Variants in HMBOX1 observed in about 807,000 individuals in gnomAD.
The protein encoded by HMBOX1 is homeobox containing 1.
In HMBOX1, 14 loss-of-function variants were observed where a neutral mutation model predicts 54.5. The observed-to-expected ratio is 0.26, with a 90% confidence interval of 0.17 to 0.40. HMBOX1 has a LOEUF of 0.40. Among genes scored for constraint, HMBOX1 ranks in the 10% least tolerant of loss-of-function variants. The probability of loss-of-function intolerance (pLI) is 1.00; values close to 1 mark genes in which losing one functional copy is unlikely to be tolerated. For missense variants in HMBOX1, 332 were observed against 514.4 expected (o/e 0.65, Z 3.43); for synonymous variants, 160 against 181.0 (o/e 0.88, Z 0.93).
intron 1 of HMBOX1, among the ~76,000 whole-genome samples, chr8:28,900,254 CAAAAAAA>C (rs1215445461): frequency 8.4e-5 from 8 of 94,882 alleles, no homozygotes; most frequent in African/African-American, 3.3e-4. Context: ...GATTCCGTCT[CAAAAAAA>C]AAAAAAAAAA....
intron 4 of HMBOX1, among the ~76,000 whole-genome samples, chr8:28,986,037 A>T (rs139914441): frequency 6.6e-6 from 1 of 152,324 alleles, no homozygotes; most frequent in Non-Finnish European, 1.5e-5. Context: ...AGTATCACAC[A>T]GAGTTGTTGC....
intron 5 of HMBOX1, among the ~76,000 whole-genome samples, chr8:29,013,117 T>G (rs1307058148): frequency 6.6e-6 from 1 of 152,204 alleles, no homozygotes; most frequent in South Asian, 2.1e-4. Context: ...GCATTTCTCT[T>G]TGTATACTTT....
chr8:28,966,194 C>T (rs1034148367), intron 2 of HMBOX1, among the ~76,000 whole-genome samples: 1 of 152,074 alleles, frequency 6.6e-6, no homozygotes, highest in African/African-American at 2.4e-5. Context: ...ATGCCTTATC[C>T]AAGAAGGGTT....
At chr8:29,041,524 G>A (rs572238336) in intron 6 of HMBOX1, among the ~76,000 whole-genome samples, 1 of 152,226 alleles carries the variant, frequency 6.6e-6, no homozygotes, top group East Asian at 1.9e-4. Flanking sequence ...TGTAGTAGAA[G>A]ACAGATGTAT....
At chr8:28,959,961 C>A (rs1825173209) in intron 1 of HMBOX1, among the ~76,000 whole-genome samples, 2 of 151,698 alleles carry the variant, frequency 1.3e-5, no homozygotes, top group South Asian at 4.1e-4. Context: ...GTTTTTTTCC[C>A]CCAATACTAT....
chr8:28,999,718 A>G lies in HMBOX1; in HGVS notation c.587-9354A>G, dbSNP rs1002807847. Among the ~76,000 whole-genome samples the G allele has an allele frequency of 4.0e-5, 6 of 151,778 alleles. No homozygotes were observed. The East Asian group carries it at 7.7e-4, about 20-fold the overall frequency. Reference sequence around the variant, plus strand: ...TTATTTTTTATACTTTTCAATTCCAAAATTTCTATTTGGTTCTTATAATTT... The same window carrying G: ...TTATTTTTTATACTTTTCAATTCCAGAATTTCTATTTGGTTCTTATAATTT... On this transcript the variant is annotated intron_variant, in intron 4 of 9. Coordinates refer to ENST00000287701, the MANE Select transcript of HMBOX1 (RefSeq NM_001135726.3).
intron 1 of HMBOX1, among the ~76,000 whole-genome samples, chr8:28,929,871 T>C (rs953973115): frequency 4.6e-5 from 7 of 152,164 alleles, no homozygotes; most frequent in Admixed American, 3.3e-4. Context: ...GCATTTAGTG[T>C]GTTCACAATG....
intron 6 of HMBOX1, among the ~76,000 whole-genome samples, chr8:29,020,170 G>A (rs566777407): frequency 6.6e-6 from 1 of 152,162 alleles, no homozygotes; most frequent in East Asian, 1.9e-4. Context: ...AATTTCTTTA[G>A]AACTTGGCAC....
chr8:29,043,320 C>T (rs1312576779), intron 6 of HMBOX1, among the ~76,000 whole-genome samples: 3 of 152,262 alleles, frequency 2.0e-5, no homozygotes, highest in Non-Finnish European at 4.4e-5. Flanking sequence ...TGCCTTGCAA[C>T]CTCCTGTGCA....
intron 1 of HMBOX1, among the ~76,000 whole-genome samples, chr8:28,935,816 T>C (rs1023271475): frequency 1.3e-5 from 2 of 152,112 alleles, no homozygotes; most frequent in African/African-American, 4.8e-5. Context: ...CAGTATAGTA[T>C]AGAAAAGAGT....
intron 4 of HMBOX1, among the ~76,000 whole-genome samples, chr8:28,983,504 C>CT (rs1251654558): frequency 1.3e-5 from 2 of 152,172 alleles, no homozygotes; most frequent in Non-Finnish European, 2.9e-5. Flanking sequence ...GCAGACCTCT[C>CT]TTTTTTTCTG....
At chr8:28,982,779 C>G (rs778031244) in intron 4 of HMBOX1, among the ~76,000 whole-genome samples, 38 of 152,164 alleles carry the variant, frequency 2.5e-4, no homozygotes, top group Non-Finnish European at 4.3e-4. Flanking sequence ...GCACTTGCCA[C>G]CACGCCCAGC....
intron 1 of HMBOX1, among the ~76,000 whole-genome samples, chr8:28,895,807 T>C (rs1051276558): frequency 6.6e-6 from 1 of 152,188 alleles, no homozygotes; most frequent in Non-Finnish European, 1.5e-5. Context: ...GTTGGTTTCG[T>C]ATTTTGTATA....
chr8:28,959,682 A>G (rs1179352256), intron 1 of HMBOX1, among the ~76,000 whole-genome samples: 1 of 152,212 alleles, frequency 6.6e-6, no homozygotes, highest in African/African-American at 2.4e-5. Context: ...TTCTGGCTGC[A>G]TAAAATGGAT....
intron 2 of HMBOX1, among the ~76,000 whole-genome samples, chr8:28,964,842 C>T (rs776283076): frequency 1.2e-4 from 18 of 151,936 alleles, no homozygotes; most frequent in Non-Finnish European, 2.4e-4. Context: ...GGCACTTCAC[C>T]TCTTTGGGCC....
At chr8:28,905,841 A>G (rs1045146903) in intron 1 of HMBOX1, among the ~76,000 whole-genome samples, 22 of 152,212 alleles carry the variant, frequency 1.4e-4, no homozygotes, top group Non-Finnish European at 2.9e-4. Flanking sequence ...CTTTGCCAAA[A>G]CATTTCTTAA....
intron 1 of HMBOX1, among the ~76,000 whole-genome samples, chr8:28,941,799 T>G (rs916699527): frequency 3.9e-5 from 6 of 152,234 alleles, no homozygotes; most frequent in Non-Finnish European, 7.3e-5. Context: ...TACATACTAC[T>G]GTTATATTTT....
intron 1 of HMBOX1, among the ~76,000 whole-genome samples, chr8:28,912,618 T>C (rs965930695): frequency 1.3e-5 from 2 of 152,228 alleles, no homozygotes; most frequent in African/African-American, 2.4e-5. Context: ...ATTCCTTCTT[T>C]ATGAAACACT....
intron 1 of HMBOX1, chr8:28,891,630 A>C (rs1810986616): frequency 6.6e-6 from 1 of 152,130 alleles, no homozygotes; most frequent in South Asian, 2.1e-4. Context: ...ATGTATCTGG[A>C]GATAGGGCGA....
Sources: allele counts gnomAD v4.1 joint callset (sites outside exome capture counted in the v4.1 genomes callset), GRCh38; gene constraint gnomAD v4.1.1; transcripts MANE v1.5; gene names NCBI Gene and HGNC (gene_info 2026-07-23, HGNC 2026-07-21).